LPP: variants seen among roughly 807,000 people sequenced by gnomAD.
LPP encodes lipoma-preferred partner.
Under a neutral mutation model 60.4 loss-of-function variants are expected in LPP, and 38 were observed. That is an observed-to-expected ratio of 0.63 (90% CI 0.49 to 0.83). LPP has a LOEUF of 0.83. Among genes scored for constraint, LPP ranks in the 40% least tolerant of loss-of-function variants. LPP has a pLI of 0.00. For missense variants in LPP, 902 were observed against 783.6 expected, an observed-to-expected ratio of 1.15 and a Z score of -1.80; for synonymous variants, 328 against 290.8, an observed-to-expected ratio of 1.13 and a Z score of -1.30.
rs115125059 is a variant in LPP at position 188,413,974 on chromosome 3, C to A, written c.193+7661C>A. Among the ~76,000 whole-genome samples, 494 of 152,182 alleles carry A rather than the reference C, an allele frequency of 3.2e-3. 2 individuals carry two copies. The highest frequency in any genetic ancestry group is 0.011 in the African/African-American group (463 of 41,512). ...TTAAACCATAAAATACCTTATAACT[C>A]TAAGGAGTTACTATTATATACTTAT... On this transcript the variant is annotated intron_variant, in intron 4 of 11. Transcript: ENST00000617246.
intron 6 of LPP, among the ~76,000 whole-genome samples, chr3:188,597,635 C>T (rs1840243237): frequency 6.6e-6 from 1 of 152,092 alleles, no homozygotes. Flanking sequence ...ACAGAACCCT[C>T]TATCATACTT....
intron 4 of LPP, among the ~76,000 whole-genome samples, chr3:188,439,736 G>T (rs1296215922): frequency 6.6e-6 from 1 of 152,094 alleles, no homozygotes. Flanking sequence ...ACCATCATAG[G>T]CACTGAGGAT....
At chr3:188,470,102 T>C (rs1014302085) in intron 4 of LPP, among the ~76,000 whole-genome samples, 1 of 152,050 alleles carries the variant, frequency 6.6e-6, no homozygotes. Context: ...TTCACACACA[T>C]CTAGTAAATG....
At chr3:188,791,157 T>C (rs762533327) in intron 9 of LPP, among the ~76,000 whole-genome samples, 2 of 152,056 alleles carry the variant, frequency 1.3e-5, no homozygotes, top group Non-Finnish European at 2.9e-5. Context: ...AGACCATCCA[T>C]TGCCTCTCAG....
rs1480229743 is a variant in LPP, at chr3:188,876,820, C to G, written c.*2341C>G. On this transcript the variant is annotated 3_prime_UTR_variant, in exon 12 of 12. Transcript: ENST00000617246. ...TTCTACTTGCTTATTACATTTAAAT[C>G]CTTGTGTAACTGAATGTTTACATGT... 3 of 183,272 alleles carry G rather than the reference C, an allele frequency of 1.6e-5. 1 individual carries two copies. The highest frequency in any genetic ancestry group is 7.1e-5 in the African/African-American group (3 of 42,502). The allele number at this position is 183,272 out of a possible 1,614,324, so 11.4% of individuals were successfully genotyped here. A position where few individuals can be genotyped will look rare whatever the true frequency, so the allele number is the denominator to read the frequency against.
intron 7 of LPP, among the ~76,000 whole-genome samples, chr3:188,665,828 T>C (rs188668779): frequency 9.2e-5 from 14 of 152,330 alleles, no homozygotes; most frequent in Admixed American, 9.1e-4. Context: ...ACTTGTCCTT[T>C]CCTTTGTAAC....
intron 3 of LPP, among the ~76,000 whole-genome samples, chr3:188,354,758 T>G (rs1203898976): frequency 2.0e-5 from 3 of 152,154 alleles, no homozygotes; most frequent in Non-Finnish European, 4.4e-5. Context: ...TTCAGTTGAA[T>G]CAGTTTACAG....
chr3:188,657,962 T>A (rs974647205), intron 7 of LPP, among the ~76,000 whole-genome samples: 4 of 152,184 alleles, frequency 2.6e-5, no homozygotes, highest in African/African-American at 9.7e-5. Context: ...AGCTCAGATA[T>A]GTGTCATCTT....
At position 188,728,729 on chromosome 3, in the gene LPP, T is replaced by A. The variant is rs116956844; in HGVS notation, c.1240+20336T>A. ...AAATTATCTTCCAGATTTTATGTGA[T>A]CTCCCTTCTCTAGTGAGTTGGTATG... On this transcript the variant is annotated intron_variant, in intron 8 of 11. Transcript: ENST00000617246. Among the ~76,000 whole-genome samples the A allele has an allele frequency of 4.7e-3, 719 of 152,312 alleles. 29 individuals carry two copies. In the East Asian group the frequency reaches 0.075, roughly 16 times the overall value.
intron 2 of LPP, among the ~76,000 whole-genome samples, chr3:188,327,795 G>T (rs1170540449): frequency 6.6e-6 from 1 of 151,948 alleles, no homozygotes; most frequent in African/African-American, 2.4e-5. Context: ...AGGGAGAGAG[G>T]GAACATAAGT....
At chr3:188,240,081 T>G (rs187487311) in intron 2 of LPP, 2 of 196,856 alleles carry the variant, frequency 1.0e-5, no homozygotes, top group East Asian at 7.8e-5. Flanking sequence ...TGTCCTGTAG[T>G]TCATGGAGCT....
At chr3:188,253,066 C>A (rs1443159490) in intron 2 of LPP, among the ~76,000 whole-genome samples, 1 of 149,368 alleles carries the variant, frequency 6.7e-6, no homozygotes, top group African/African-American at 2.5e-5. Flanking sequence ...AGCCACTGTG[C>A]TCAGTCCTTT....
chr3:188,875,291 G>C lies in LPP; in HGVS notation c.*812G>C, dbSNP rs1011121194. On this transcript the variant is annotated 3_prime_UTR_variant, in exon 12 of 12. Transcript: ENST00000617246. Reference sequence around the variant, plus strand: ...TATTACCTTAAGATTTTTCTTTTCCGCACTACCTGAACATTGTAATACAGA... The same window carrying C: ...TATTACCTTAAGATTTTTCTTTTCCCCACTACCTGAACATTGTAATACAGA... 1 of 217,532 alleles carries C rather than the reference G, an allele frequency of 4.6e-6. No individual in the cohort carries two copies. Among genetic ancestry groups the C allele is most frequent in the African/African-American group, 2.3e-5 (1 of 44,368 alleles). 13.5% of individuals were successfully genotyped at this position (217,532 alleles called of 1,614,324 possible).
chr3:188,592,552 T>TTTTTTTTTTTGTTTG lies in LPP; in HGVS notation c.430-16605_430-16604insTTTTTTGTTTGTTTT, dbSNP rs1452305000. ...ATGAGTATCACTGTTTTTAGTTTTG[T>TTTTTTTTTTTGTTTG]TTTTGTTTTTTAAATGGAGTCTCAC... On this transcript the variant is annotated intron_variant, in intron 6 of 11. Transcript: ENST00000617246. 6.9e-5 allele frequency among the ~76,000 whole-genome samples: 8 copies of TTTTTTTTTTTGTTTG among 115,250 alleles called. 1 individual carries two copies. Among genetic ancestry groups the TTTTTTTTTTTGTTTG allele is most frequent in the African/African-American group, 2.4e-4 (8 of 33,078 alleles). The allele number at this position is 115,250 out of a possible 152,430, so 75.6% of individuals were successfully genotyped here.
intron 6 of LPP, among the ~76,000 whole-genome samples, chr3:188,535,064 C>A (rs1317590657): frequency 1.3e-5 from 2 of 152,084 alleles, no homozygotes; most frequent in South Asian, 4.1e-4. Flanking sequence ...AAAGTGAGCA[C>A]GTGTTGCTGT....
rs191716391 is a variant in LPP at position 188,402,805 on chromosome 3, G to T, written c.-9-3307G>T. On this transcript the variant is annotated intron_variant, in intron 3 of 11. Coordinates refer to ENST00000617246, the MANE Select transcript of LPP (RefSeq NM_001375462.1). Reference sequence around the variant, plus strand: ...ATGGCTTTCTTGTGGATTGTTATAAGTATGCCGAAAGTACTAAAGAGCCTA... The same window carrying T: ...ATGGCTTTCTTGTGGATTGTTATAATTATGCCGAAAGTACTAAAGAGCCTA... 5.0e-4 allele frequency among the ~76,000 whole-genome samples: 76 copies of T among 152,314 alleles called. 1 individual carries two copies. In the South Asian group the frequency reaches 0.015, roughly 31 times the overall value.
intron 4 of LPP, among the ~76,000 whole-genome samples, chr3:188,408,712 C>T (rs758417256): frequency 2.6e-5 from 4 of 151,444 alleles, no homozygotes; most frequent in South Asian, 2.1e-4. Flanking sequence ...TCTATGCTTT[C>T]TCTTTATTAT....
At chr3:188,664,052 A>T (rs1855214222) in intron 7 of LPP, among the ~76,000 whole-genome samples, 1 of 152,194 alleles carries the variant, frequency 6.6e-6, no homozygotes, top group Non-Finnish European at 1.5e-5. Flanking sequence ...ATGTCACTTG[A>T]TATGCACACT....
chr3:188,567,666 C>T (rs991823192), intron 6 of LPP, among the ~76,000 whole-genome samples: 4 of 151,862 alleles, frequency 2.6e-5, no homozygotes, highest in African/African-American at 9.7e-5. Context: ...TGGCTTCTGT[C>T]CTATGAAGCA....
Sources: gnomAD v4.1 joint callset for allele counts (sites outside exome capture counted in the v4.1 genomes callset) on GRCh38, gnomAD v4.1.1 for gene constraint, MANE v1.5 for transcripts, NCBI Gene and HGNC (gene_info 2026-07-23, HGNC 2026-07-21) for gene names.